Variants in CTNNA2 observed in about 807,000 individuals in gnomAD.
CTNNA2 encodes catenin alpha 2, also known as catenin alpha-2.
CTNNA2 carries 42 observed loss-of-function variants against 101.0 expected under a neutral mutation model. The observed-to-expected ratio is 0.42, with a 90% CI of 0.32 to 0.54. The LOEUF (loss-of-function observed/expected upper bound fraction) is 0.54, where lower values mean the gene tolerates loss of function less well. Ranked by LOEUF, CTNNA2 falls within the 20% of genes least tolerant of loss-of-function variation. The pLI is 0.14. For missense variants in CTNNA2, 871 were observed against 1,223.1 expected (o/e 0.71, Z 4.29); for synonymous variants, 450 against 456.4 (o/e 0.99, Z 0.18).
At chr2:79,791,917 C>T (rs1573979649) in intron 3 of CTNNA2, among the ~76,000 whole-genome samples, 1 of 152,168 alleles carries the variant, frequency 6.6e-6, no homozygotes, top group East Asian at 1.9e-4. Context: ...AGTAAAGACA[C>T]CTGTATTATT....
At chr2:80,647,497 CATT>C (rs1372680790) in intron 18 of CTNNA2, 85 bp from the exon 19 acceptor site, 10 of 1,143,546 alleles carry the variant, frequency 8.7e-6, no homozygotes, top group Non-Finnish European at 7.4e-6. Context: ...ACAAGGAAAA[CATT>C]ATTTTAACCG....
intron 7 of CTNNA2, among the ~76,000 whole-genome samples, chr2:80,014,874 A>G (rs529368247): frequency 6.6e-6 from 1 of 152,344 alleles, no homozygotes; most frequent in Non-Finnish European, 1.5e-5. Flanking sequence ...CATTCTTTTT[A>G]TGCTCAGAAT....
chr2:79,738,369 T>G (rs1671046384), intron 2 of CTNNA2, among the ~76,000 whole-genome samples: 1 of 152,158 alleles, frequency 6.6e-6, no homozygotes, highest in Non-Finnish European at 1.5e-5. Context: ...TGAGTATTCT[T>G]GTAGGTTGTG....
chr2:79,385,263 G>C (rs1268684189), intron 4 of CTNNA2, among the ~76,000 whole-genome samples: 1 of 152,080 alleles, frequency 6.6e-6, no homozygotes, highest in Non-Finnish European at 1.5e-5. Flanking sequence ...GATGCCAGAG[G>C]CATCCTGTTT....
At chr2:79,313,045 C>G (rs922221360) in intron 3 of CTNNA2, among the ~76,000 whole-genome samples, 2 of 152,120 alleles carry the variant, frequency 1.3e-5, no homozygotes, top group African/African-American at 2.4e-5. Flanking sequence ...ACTAAAGGAC[C>G]AAAATGCTGA....
chr2:79,391,601 G>C (rs1678173186), intron 4 of CTNNA2, among the ~76,000 whole-genome samples: 1 of 152,092 alleles, frequency 6.6e-6, no homozygotes, highest in Non-Finnish European at 1.5e-5. Flanking sequence ...AGCGTCTCCT[G>C]CATTTCATTT....
At chr2:79,850,667 T>TA (rs1680633511) in intron 3 of CTNNA2, among the ~76,000 whole-genome samples, 1 of 152,174 alleles carries the variant, frequency 6.6e-6, no homozygotes, top group Non-Finnish European at 1.5e-5. Flanking sequence ...CTTCACCACT[T>TA]ACCATCTGTT....
intron 7 of CTNNA2, chr2:80,030,592 G>A (rs1423571745): frequency 1.3e-5 from 2 of 152,150 alleles, no homozygotes; most frequent in African/African-American, 2.4e-5. Flanking sequence ...TTTTTACCAA[G>A]TGTAGTTATA....
At chr2:80,179,772 A>T (rs1573316088) in intron 7 of CTNNA2, among the ~76,000 whole-genome samples, 1 of 152,132 alleles carries the variant, frequency 6.6e-6, no homozygotes, top group Non-Finnish European at 1.5e-5. Context: ...CTATCTTTCT[A>T]GGTAGAGGCA....
At chr2:79,647,578 C>T (rs1429653804) in intron 1 of CTNNA2, among the ~76,000 whole-genome samples, 5 of 152,030 alleles carry the variant, frequency 3.3e-5, no homozygotes, top group African/African-American at 9.6e-5. Flanking sequence ...TGATCTCTGC[C>T]GAGACAGCAG....
At chr2:79,671,669 A>G (rs1558823356) in intron 2 of CTNNA2, among the ~76,000 whole-genome samples, 1 of 152,250 alleles carries the variant, frequency 6.6e-6, no homozygotes, top group Non-Finnish European at 1.5e-5. Context: ...TGCTCGGCAA[A>G]TAGTAAATGC....
intron 7 of CTNNA2, among the ~76,000 whole-genome samples, chr2:80,102,215 C>T (rs1558810376): frequency 6.6e-6 from 1 of 152,196 alleles, no homozygotes; most frequent in Non-Finnish European, 1.5e-5. Flanking sequence ...CAATCTTTCT[C>T]ATATCTTCCT....
At chr2:79,834,539 G>T (rs555841915) in intron 3 of CTNNA2, among the ~76,000 whole-genome samples, 60 of 151,980 alleles carry the variant, frequency 3.9e-4, no homozygotes, top group Non-Finnish European at 6.8e-4. Context: ...TTAGTCATTT[G>T]GGTTTGCTAT....
intron 3 of CTNNA2, chr2:79,312,911 A>G (rs967857516): frequency 4.6e-5 from 7 of 152,170 alleles, no homozygotes; most frequent in Non-Finnish European, 1.5e-5. Flanking sequence ...TCCTTTCAAA[A>G]ACTAGCTGGC....
At chr2:79,761,987 A>G (rs17017820) in intron 3 of CTNNA2, among the ~76,000 whole-genome samples, 3,382 of 152,246 alleles carry the variant, frequency 0.022, 105 homozygotes, top group African/African-American at 0.076. Flanking sequence ...TCTTCTTGGT[A>G]TAGTGATCTG....
intron 7 of CTNNA2, among the ~76,000 whole-genome samples, chr2:80,189,768 AACAC>A (rs1017974675): frequency 2.0e-5 from 3 of 151,930 alleles, no homozygotes; most frequent in South Asian, 2.1e-4. Context: ...ACAAAACAAA[AACAC>A]ACACACACAC....
At chr2:79,546,931 C>T (rs1269430563) in intron 1 of CTNNA2, among the ~76,000 whole-genome samples, 1 of 152,146 alleles carries the variant, frequency 6.6e-6, no homozygotes, top group African/African-American at 2.4e-5. Flanking sequence ...AGCCTTAAGG[C>T]CTGCTCAACA....
chr2:79,721,750 G>A (rs1489275107), intron 2 of CTNNA2, among the ~76,000 whole-genome samples: 1 of 152,194 alleles, frequency 6.6e-6, no homozygotes, highest in African/African-American at 2.4e-5. Context: ...GAATATGTTC[G>A]AATTTGGTTC....
At chr2:80,406,826 CAAAAAAAA>C (rs56793591) in intron 8 of CTNNA2, among the ~76,000 whole-genome samples, 2,413 of 64,084 alleles carry the variant, frequency 0.038, 78 homozygotes, top group African/African-American at 0.095. Flanking sequence ...GACTCCATCT[CAAAAAAAA>C]AAAAAAAAAA....
Sources: allele counts gnomAD v4.1 joint callset (sites outside exome capture counted in the v4.1 genomes callset), GRCh38; gene constraint gnomAD v4.1.1; transcripts MANE v1.5; gene names NCBI Gene and HGNC (gene_info 2026-07-23, HGNC 2026-07-21).